AXIN1: variants seen among roughly 807,000 people sequenced by gnomAD.
AXIN1 encodes axin-1.
Under a neutral mutation model 76.4 loss-of-function variants are expected in AXIN1, and 30 were observed. The ratio of observed to expected loss-of-function variants is 0.39; its 90% CI spans 0.29 to 0.53. The LOEUF (loss-of-function observed/expected upper bound fraction) is 0.53. Among genes scored for constraint, AXIN1 ranks in the 20% least tolerant of loss-of-function variants. AXIN1 has a pLI of 0.66. For synonymous variants in AXIN1, 545 were observed against 501.4 expected (o/e 1.09, Z -1.16); for missense variants, 1,140 against 1,198.8 (o/e 0.95, Z 0.72).
rs779801377 is a variant in AXIN1, at chr16:297,970, C to G, written c.1536G>C (p.Gly512=). Residue 512 remains glycine, a synonymous_variant, in exon 6 of 11, where the codon GGG becomes GGC. Transcript: ENST00000262320. ...CTGACTTGGGTACGTGCTTCCCGTG[C>G]CCCGAGGCGGCACCCCCCAGTGCCA... is the stretch of plus-strand genomic sequence containing the variant. ...MPVALGGAAS[G]HGKHVPKSGA... 2 of 1,601,734 alleles carry G rather than the reference C, an allele frequency of 1.2e-6. No homozygotes were observed. The highest frequency in any genetic ancestry group is 1.7e-6 in the Non-Finnish European group (2 of 1,177,242).
At chr16:303,907 G>A (rs940700374) in intron 5 of AXIN1, among the ~76,000 whole-genome samples, 2 of 152,186 alleles carry the variant, frequency 1.3e-5, no homozygotes, top group East Asian at 1.9e-4. Context: ...CCGACTGCAC[G>A]CCACTAGCCC....
At chr16:341,098 G>C (rs1018790982) in intron 2 of AXIN1, among the ~76,000 whole-genome samples, 1 of 152,270 alleles carries the variant, frequency 6.6e-6, no homozygotes, top group Non-Finnish European at 1.5e-5. Flanking sequence ...AGGTGACAGC[G>C]TGCTGGCAGT....
At chr16:340,482 G>C (rs1439165199) in intron 2 of AXIN1, among the ~76,000 whole-genome samples, 1 of 152,264 alleles carries the variant, frequency 6.6e-6, no homozygotes, top group Non-Finnish European at 1.5e-5. Context: ...AGCCCTGAAG[G>C]CCACCTGGTG....
chr16:318,053 C>T (rs1391805936), intron 2 of AXIN1, among the ~76,000 whole-genome samples: 4 of 152,294 alleles, frequency 2.6e-5, no homozygotes, highest in East Asian at 1.9e-4. Context: ...GCACACGGCG[C>T]GTCTGTAGCC....
At chr16:319,273 A>G (rs1399661649) in intron 2 of AXIN1, among the ~76,000 whole-genome samples, 1 of 152,144 alleles carries the variant, frequency 6.6e-6, no homozygotes, top group African/African-American at 2.4e-5. Flanking sequence ...GGGAGTCTGC[A>G]GTAAGATATG....
chr16:332,454 G>A (rs1251952972), intron 2 of AXIN1, among the ~76,000 whole-genome samples: 3 of 151,798 alleles, frequency 2.0e-5, no homozygotes, highest in African/African-American at 7.3e-5. Flanking sequence ...GCGGGCGCCT[G>A]TAGTCCCAGC....
intron 3 of AXIN1, among the ~76,000 whole-genome samples, chr16:313,429 CA>C (rs1437582940): frequency 2.0e-5 from 3 of 152,258 alleles, no homozygotes; most frequent in African/African-American, 7.2e-5. Flanking sequence ...TCCAGATCTC[CA>C]GGCTTTCCTC....
At chr16:313,488 G>A (rs768562814) in intron 3 of AXIN1, among the ~76,000 whole-genome samples, 27 of 152,228 alleles carry the variant, frequency 1.8e-4, no homozygotes, top group Non-Finnish European at 2.4e-4. Flanking sequence ...ACCACTGGCC[G>A]CAGTGGGGAT....
chr16:318,770 C>A (rs1298988635), intron 2 of AXIN1, among the ~76,000 whole-genome samples: 1 of 152,106 alleles, frequency 6.6e-6, no homozygotes, highest in East Asian at 1.9e-4. Context: ...CCGCCCTTCA[C>A]GAGCACCTCC....
At chr16:351,662 C>T (rs1391408176) in intron 1 of AXIN1, among the ~76,000 whole-genome samples, 2 of 151,954 alleles carry the variant, frequency 1.3e-5, no homozygotes, top group East Asian at 3.9e-4. Context: ...GTCCCAACAC[C>T]TTGGAAGGCT....
rs532976461 is a variant in AXIN1, at chr16:345,637, C to A, written c.878+511G>T. Reference sequence around the variant, plus strand: ...GCTGAGGCAGGAGAATCGCTCAAACCCGGGAGGCGAAGGTTGCAGTGAGCT... The same window carrying A: ...GCTGAGGCAGGAGAATCGCTCAAACACGGGAGGCGAAGGTTGCAGTGAGCT... On this transcript the variant is annotated intron_variant, in intron 2 of 10. Transcript: ENST00000262320. 5.3e-5 allele frequency among the ~76,000 whole-genome samples: 8 copies of A among 152,204 alleles called. No individual in the cohort carries two copies. In the East Asian group the frequency reaches 1.5e-3, roughly 29 times the overall value.
intron 2 of AXIN1, among the ~76,000 whole-genome samples, chr16:324,480 T>C (rs909254688): frequency 2.0e-5 from 3 of 152,178 alleles, no homozygotes; most frequent in Admixed American, 1.3e-4. Context: ...AAGGGCACCA[T>C]GAGCAGCTTC....
At chr16:291,766 C>A in intron 8 of AXIN1, 1 of 285,948 alleles carries the variant, frequency 3.5e-6, no homozygotes, top group South Asian at 3.2e-5. Context: ...CCTGGGGCAG[C>A]ACAGCAGCTC....
rs182336235 is a variant in AXIN1, at chr16:318,314, G to A, written c.879-3631C>T. 1.1e-4 allele frequency among the ~76,000 whole-genome samples: 16 copies of A among 152,332 alleles called. No individual in the cohort carries two copies. In the East Asian group the frequency reaches 2.5e-3, roughly 24 times the overall value. The stretch of plus-strand genomic sequence containing the variant: ...AACGCAGGTTTCCCATTTTCCACAA[G>A]CTCCAGCACACAGCAAGTTCCACTG... On this transcript the variant is annotated intron_variant, in intron 2 of 10. Coordinates refer to ENST00000262320, the MANE Select transcript of AXIN1 (RefSeq NM_003502.4).
In AXIN1 at chr16:293,458, G is replaced by C. The variant is rs2141484347; in HGVS notation, c.2186+30C>G. 2.5e-6 allele frequency: 4 copies of C among 1,579,230 alleles called. No homozygotes were observed. The highest frequency in any genetic ancestry group is 4.6e-4 in the Middle Eastern group (2 of 4,376). On this transcript the variant is annotated intron_variant, in intron 8 of 10. Transcript: ENST00000262320. The surrounding 1 kb of genome is among the most constrained non-coding windows in gnomAD (Gnocchi z 4.6). ...GGAGTGGTGCTGTGGTAACCCCCAA[G>C]ACCCACCCCACCCCACGACGCGGCC... is the stretch of plus-strand genomic sequence containing the variant.
Position 289,383 on chromosome 16 carries a change from A to G in AXIN1, c.2462+57T>C, listed in dbSNP as rs112029825. On this transcript the variant is annotated intron_variant, in intron 10 of 10. Coordinates refer to ENST00000262320, the MANE Select transcript of AXIN1 (RefSeq NM_003502.4). Reference sequence around the variant, plus strand: ...CCCGGCTGGAAACCCTCTTTTTCATACCGTTGGGCACCCACATACTCGTGC... The same window carrying G: ...CCCGGCTGGAAACCCTCTTTTTCATGCCGTTGGGCACCCACATACTCGTGC... 3,455 of 1,602,408 alleles carry G rather than the reference A, an allele frequency of 2.2e-3. 40 individuals are homozygous for G. The East Asian group carries it at 0.022, about 10-fold the overall frequency.
At chr16:318,390 G>A (rs966139836) in intron 2 of AXIN1, among the ~76,000 whole-genome samples, 76 of 152,320 alleles carry the variant, frequency 5.0e-4, no homozygotes, top group African/African-American at 1.8e-3. Context: ...GGGAGAAGGC[G>A]GCTGGGAGAA....
At chr16:326,503 C>T (rs1046161468) in intron 2 of AXIN1, among the ~76,000 whole-genome samples, 1 of 150,902 alleles carries the variant, frequency 6.6e-6, no homozygotes, top group Admixed American at 6.6e-5. Context: ...AATCCCAGCA[C>T]CATGGGAGGC....
chr16:314,310 G>C (rs958298908), intron 3 of AXIN1, among the ~76,000 whole-genome samples: 1 of 152,182 alleles, frequency 6.6e-6, no homozygotes, highest in Non-Finnish European at 1.5e-5. Context: ...GAGACCTGGG[G>C]AGCCAGGAAA....
Sources: allele counts gnomAD v4.1 joint callset (sites outside exome capture counted in the v4.1 genomes callset), GRCh38; gene constraint gnomAD v4.1.1; non-coding constraint Gnocchi (gnomAD v3.1); transcripts MANE v1.5; gene names NCBI Gene and HGNC (gene_info 2026-07-23, HGNC 2026-07-21).